The following ATF3 variants were observed in gnomAD, a reference collection of about 807,000 sequenced individuals.
The protein encoded by ATF3 is cyclic AMP-dependent transcription factor ATF-3.
ATF3 carries 10 observed loss-of-function variants against 18.4 expected under a neutral mutation model. The ratio of observed to expected loss-of-function variants is 0.54; its 90% CI spans 0.34 to 0.92. The LOEUF (loss-of-function observed/expected upper bound fraction) is 0.92, where lower values mean the gene tolerates loss of function less well. Ranked by LOEUF, ATF3 falls within the 40% of genes least tolerant of loss-of-function variation. The pLI is 0.02. For synonymous variants in ATF3, 78 were observed against 87.9 expected (o/e 0.89, Z 0.63); for missense variants, 183 against 222.3 (o/e 0.82, Z 1.12).
chr1:212,618,520 G>A lies in ATF3; in HGVS notation c.348+286G>A, dbSNP rs193099455. On this transcript the variant is annotated intron_variant, in intron 3 of 3. Coordinates refer to ENST00000341491, the MANE Select transcript of ATF3 (RefSeq NM_001674.4). This position sits in a 1 kb window ranked among gnomAD's most constrained non-coding sequence, Gnocchi z 4.4. ...CATGTCCATCAGCTTCCAGGCTGCAGGACATGCCAGCCCAGTTAAAGAGGC... is the reference window on the plus strand; with the variant it reads ...CATGTCCATCAGCTTCCAGGCTGCAAGACATGCCAGCCCAGTTAAAGAGGC... The A allele has an allele frequency of 2.1e-6, 1 of 474,584 alleles. No individual in the cohort carries two copies. Among genetic ancestry groups the A allele is most frequent in the East Asian group, 4.1e-5 (1 of 24,462 alleles). The allele number at this position is 474,584 out of a possible 1,614,324, so 29.4% of individuals were successfully genotyped here. A position where few individuals can be genotyped will look rare whatever the true frequency, so the allele number is the denominator to read the frequency against.
intron 1 of ATF3, among the ~76,000 whole-genome samples, chr1:212,565,900 T>C (rs56671266): frequency 0.21 from 32,353 of 152,068 alleles, 3,605 homozygotes; most frequent in African/African-American, 0.27. Flanking sequence ...TGGGAAGCCA[T>C]TGGAGTTGGT....
intron 1 of ATF3, among the ~76,000 whole-genome samples, chr1:212,609,429 C>T (rs1571784231): frequency 6.6e-6 from 1 of 151,628 alleles, no homozygotes; most frequent in Non-Finnish European, 1.5e-5. Context: ...GGGAGGGCTG[C>T]CCCACGCGCC....
At chr1:212,588,065 A>C (rs1440515129) in intron 1 of ATF3, among the ~76,000 whole-genome samples, 1 of 152,082 alleles carries the variant, frequency 6.6e-6, no homozygotes, top group Non-Finnish European at 1.5e-5. Flanking sequence ...AGGGAAAATT[A>C]GCCATTAAGT....
At chr1:212,575,554 A>AATAGAGGC (rs1420988509) in intron 1 of ATF3, among the ~76,000 whole-genome samples, 1 of 152,110 alleles carries the variant, frequency 6.6e-6, no homozygotes, top group Non-Finnish European at 1.5e-5. Context: ...TATAATGCTG[A>AATAGAGGC]ATAGAGGCTT....
intron 2 of ATF3, among the ~76,000 whole-genome samples, 197 bp from the exon 3 acceptor site, chr1:212,617,930 C>CA (rs1469865179): frequency 2.5e-5 from 3 of 120,752 alleles, no homozygotes; most frequent in African/African-American, 9.3e-5. Context: ...GTTGTTCACT[C>CA]ACGTGTGTGT....
At chr1:212,569,980 A>G (rs1176269816) in intron 1 of ATF3, among the ~76,000 whole-genome samples, 2 of 152,198 alleles carry the variant, frequency 1.3e-5, no homozygotes, top group African/African-American at 4.8e-5. Context: ...TATAGACACA[A>G]AGAAATTTTC....
At chr1:212,600,029 T>A (rs1287777021) in intron 1 of ATF3, among the ~76,000 whole-genome samples, 1 of 152,258 alleles carries the variant, frequency 6.6e-6, no homozygotes, top group East Asian at 1.9e-4. Flanking sequence ...AAAAAGGCTA[T>A]TTTAATTTCA....
intron 1 of ATF3, among the ~76,000 whole-genome samples, chr1:212,576,992 A>G (rs901058021): frequency 2.0e-5 from 3 of 151,882 alleles, no homozygotes; most frequent in Non-Finnish European, 4.4e-5. Flanking sequence ...TGGCCTCCCA[A>G]AGTACCGGGA....
chr1:212,573,950 T>TC (rs1188326854), intron 1 of ATF3, among the ~76,000 whole-genome samples: 2 of 151,650 alleles, frequency 1.3e-5, no homozygotes, highest in African/African-American at 4.8e-5. Context: ...AGGGTTTTTT[T>TC]TTCTTCTTTA....
upstream of ATF3, among the ~76,000 whole-genome samples, chr1:212,603,817 G>A (rs1241291257): frequency 6.7e-6 from 1 of 149,512 alleles, no homozygotes; most frequent in African/African-American, 2.5e-5. Flanking sequence ...ATAATCTTTT[G>A]TATATATGCT....
In ATF3 at chr1:212,619,227, A is replaced by G. The variant is rs1318997673; in HGVS notation, c.349-131A>G. On this transcript the variant is annotated intron_variant, in intron 3 of 3. Coordinates refer to ENST00000341491, the MANE Select transcript of ATF3 (RefSeq NM_001674.4). This position sits in a 1 kb window ranked among gnomAD's most constrained non-coding sequence, Gnocchi z 4.4. ...ACCCAGTGCTGCTCTCCCATCTCCC[A>G]TCTTCCTCTCGCAGCTTGATGAGCC... 16 of 1,610,234 alleles carry G rather than the reference A, an allele frequency of 9.9e-6. No homozygotes were observed. In the South Asian group the frequency reaches 1.7e-4, roughly 17 times the overall value.
chr1:212,599,158 C>A (rs1197864170), intron 1 of ATF3, among the ~76,000 whole-genome samples: 1 of 152,222 alleles, frequency 6.6e-6, no homozygotes, highest in Non-Finnish European at 1.5e-5. Context: ...ACCATTTTAA[C>A]TGGGGTGAGA....
intron 1 of ATF3, among the ~76,000 whole-genome samples, chr1:212,565,652 C>A (rs1664369523): frequency 2.0e-5 from 3 of 152,020 alleles, no homozygotes; most frequent in Admixed American, 2.0e-4. Context: ...CATATGGTAC[C>A]CAATGAAGTG....
intron 1 of ATF3, among the ~76,000 whole-genome samples, chr1:212,579,652 G>A (rs1300203888): frequency 6.6e-6 from 1 of 152,160 alleles, no homozygotes; most frequent in Non-Finnish European, 1.5e-5. Flanking sequence ...TTTTAGGGCT[G>A]GCTCTGCCCT....
Position 212,619,249 on chromosome 1 carries a change from A to G in ATF3, c.349-109A>G. 6.2e-7 allele frequency: 1 copy of G among 1,610,586 alleles called. No homozygotes were observed. The highest frequency in any genetic ancestry group is 8.5e-7 in the Non-Finnish European group (1 of 1,179,234). The stretch of plus-strand genomic sequence containing the variant: ...CCCATCTTCCTCTCGCAGCTTGATG[A>G]GCCCCGGTGTGTCCCAGGTACACCC... On this transcript the variant is annotated intron_variant, in intron 3 of 3. Coordinates refer to ENST00000341491, the MANE Select transcript of ATF3 (RefSeq NM_001674.4). This position sits in a 1 kb window ranked among gnomAD's most constrained non-coding sequence, Gnocchi z 4.4.
chr1:212,597,040 T>C (rs1259437700), intron 1 of ATF3, among the ~76,000 whole-genome samples: 1 of 152,226 alleles, frequency 6.6e-6, no homozygotes, highest in Non-Finnish European at 1.5e-5. Context: ...ACAGCACTTT[T>C]ATGTGAGGAA....
intron 1 of ATF3, among the ~76,000 whole-genome samples, chr1:212,584,124 C>T (rs1418320093): frequency 6.6e-6 from 1 of 151,982 alleles, no homozygotes; most frequent in Non-Finnish European, 1.5e-5. Context: ...CTTAAAGTCC[C>T]CCAAAGAGAC....
At chr1:212,571,551 C>A (rs1664481309) in intron 1 of ATF3, among the ~76,000 whole-genome samples, 1 of 149,128 alleles carries the variant, frequency 6.7e-6, no homozygotes, top group Non-Finnish European at 1.5e-5. Flanking sequence ...GGGATTACAG[C>A]CACCACCACG....
At chr1:212,582,381 G>A (rs956414076) in intron 1 of ATF3, among the ~76,000 whole-genome samples, 9 of 152,138 alleles carry the variant, frequency 5.9e-5, no homozygotes, top group Admixed American at 1.3e-4. Flanking sequence ...GACTGAAGTC[G>A]CCAACCAATG....
Sources: allele counts gnomAD v4.1 joint callset (sites outside exome capture counted in the v4.1 genomes callset), GRCh38; gene constraint gnomAD v4.1.1; non-coding constraint Gnocchi (gnomAD v3.1); transcripts MANE v1.5; gene names NCBI Gene and HGNC (gene_info 2026-07-23, HGNC 2026-07-21).